FBXL17: variants seen among roughly 807,000 people sequenced by gnomAD.
The protein encoded by FBXL17 is F-box/LRR-repeat protein 17.
Under a neutral mutation model 66.2 loss-of-function variants are expected in FBXL17, and 22 were observed. The observed-to-expected ratio is 0.33, with a 90% CI of 0.24 to 0.47. The LOEUF (loss-of-function observed/expected upper bound fraction) is 0.47, where lower values mean the gene tolerates loss of function less well. Among genes scored for constraint, FBXL17 ranks in the 20% least tolerant of loss-of-function variants. The pLI, the probability that FBXL17 is intolerant of heterozygous loss-of-function variation, is 1.00. For synonymous variants in FBXL17, 474 were observed against 400.5 expected (o/e 1.18, Z -2.19); for missense variants, 878 against 948.2 (o/e 0.93, Z 0.97).
Position 107,873,704 on chromosome 5 carries a change from C to T in FBXL17, c.1965+7333G>A, listed in dbSNP as rs144843996. Among the ~76,000 whole-genome samples, 795 of 152,268 alleles carry T rather than the reference C, an allele frequency of 5.2e-3. 3 individuals are homozygous for T. Among genetic ancestry groups the T allele is most frequent in the Middle Eastern group, 0.014 (4 of 294 alleles). On this transcript the variant is annotated intron_variant, in intron 8 of 8. Transcript: ENST00000542267. The stretch of plus-strand genomic sequence containing the variant: ...TCTGAGCTCTGTTGAGGAATTGCTG[C>T]TACCTATTCTATTTTTAAATTCAAA...
intron 5 of FBXL17, among the ~76,000 whole-genome samples, chr5:108,216,383 C>T (rs1754600229): frequency 6.6e-6 from 1 of 151,954 alleles, no homozygotes; most frequent in Non-Finnish European, 1.5e-5. Context: ...TTGTGGGTTT[C>T]AGTGATCCTT....
intron 7 of FBXL17, among the ~76,000 whole-genome samples, chr5:107,934,977 AGGT>A (rs1296826987): frequency 2.6e-5 from 4 of 152,290 alleles, no homozygotes; most frequent in Non-Finnish European, 5.9e-5. Flanking sequence ...ACCTCAAGTC[AGGT>A]GGTCTGTGAA....
At chr5:108,052,283 T>C (rs1747516237) in intron 6 of FBXL17, among the ~76,000 whole-genome samples, 1 of 152,136 alleles carries the variant, frequency 6.6e-6, no homozygotes, top group Admixed American at 6.5e-5. Flanking sequence ...GTCTGCAGAT[T>C]ACATGACTCT....
intron 3 of FBXL17, 40 bp from the exon 4 acceptor site, chr5:108,348,570 C>A: frequency 5.7e-6 from 9 of 1,579,440 alleles, no homozygotes; most frequent in Non-Finnish European, 7.8e-6. Context: ...CAAAAAATAA[C>A]AAAGGCAACA....
At chr5:108,176,395 G>T (rs1228721949) in intron 6 of FBXL17, among the ~76,000 whole-genome samples, 1 of 152,124 alleles carries the variant, frequency 6.6e-6, no homozygotes, top group Non-Finnish European at 1.5e-5. Flanking sequence ...TCCGTAATAT[G>T]ATTCTATGGG....
intron 7 of FBXL17, among the ~76,000 whole-genome samples, chr5:108,019,457 A>G (rs1279431016): frequency 2.0e-5 from 3 of 152,078 alleles, no homozygotes; most frequent in Admixed American, 2.0e-4. Flanking sequence ...GAATCTCAGA[A>G]GAGTTCATTA....
At chr5:107,956,589 T>C (rs531791497) in intron 7 of FBXL17, among the ~76,000 whole-genome samples, 141 of 152,292 alleles carry the variant, frequency 9.3e-4, no homozygotes, top group African/African-American at 3.3e-3. Flanking sequence ...AGAGATGTTT[T>C]AGGGATTAAA....
At chr5:108,212,070 A>C (rs892163847) in intron 5 of FBXL17, among the ~76,000 whole-genome samples, 2 of 152,024 alleles carry the variant, frequency 1.3e-5, no homozygotes, top group African/African-American at 2.4e-5. Flanking sequence ...TTCTTTCATT[A>C]AGTTGATCTT....
Position 108,268,156 on chromosome 5 carries a change from G to A in FBXL17, c.1507-43928C>T, listed in dbSNP as rs935872917. 2.0e-5 allele frequency among the ~76,000 whole-genome samples: 3 copies of A among 151,834 alleles called. No individual in the cohort carries two copies. The South Asian group carries it at 6.2e-4, about 32-fold the overall frequency. On this transcript the variant is annotated intron_variant, in intron 4 of 8. Coordinates refer to ENST00000542267, the MANE Select transcript of FBXL17 (RefSeq NM_001163315.3). The stretch of plus-strand genomic sequence containing the variant: ...AAACTGGGGAGAGGGGAAGAATAAA[G>A]GGAAATTAAAGAGCTACATGATCCA...
chr5:107,893,692 A>T (rs1749278585), intron 7 of FBXL17, among the ~76,000 whole-genome samples: 2 of 152,158 alleles, frequency 1.3e-5, no homozygotes, highest in South Asian at 4.1e-4. Context: ...TTTGATACAT[A>T]GCTAGGTTTG....
At chr5:107,950,845 T>C (rs1203914158) in intron 7 of FBXL17, among the ~76,000 whole-genome samples, 1 of 152,202 alleles carries the variant, frequency 6.6e-6, no homozygotes, top group Admixed American at 6.5e-5. Context: ...TGTGTGACAG[T>C]TATCATGAAC....
At chr5:108,269,876 C>T (rs1270728488) in intron 4 of FBXL17, among the ~76,000 whole-genome samples, 3 of 152,024 alleles carry the variant, frequency 2.0e-5, no homozygotes, top group Admixed American at 1.3e-4. Context: ...ACTTGAAACA[C>T]TGAATAAAAC....
intron 6 of FBXL17, among the ~76,000 whole-genome samples, chr5:108,046,412 A>C (rs1463086782): frequency 6.6e-6 from 1 of 152,184 alleles, no homozygotes; most frequent in Non-Finnish European, 1.5e-5. Context: ...TGTATCTTTT[A>C]ATTGGAATAG....
chr5:108,027,368 A>T (rs1352378214), intron 6 of FBXL17, among the ~76,000 whole-genome samples: 2 of 152,142 alleles, frequency 1.3e-5, no homozygotes, highest in African/African-American at 4.8e-5. Context: ...AGATCTACTT[A>T]ACCAAAAGTC....
chr5:107,937,014 T>G (rs12657654), intron 7 of FBXL17, among the ~76,000 whole-genome samples: 62,873 of 151,422 alleles, frequency 0.42, 13,901 homozygotes, highest in East Asian at 0.62. Context: ...AAAGTAACCA[T>G]GGATTAAAAA....
intron 4 of FBXL17, among the ~76,000 whole-genome samples, chr5:108,339,660 T>A (rs563308354): frequency 6.6e-6 from 1 of 151,460 alleles, no homozygotes; most frequent in African/African-American, 2.4e-5. Flanking sequence ...AAAAATAATC[T>A]ACTAACCATA....
At chr5:108,089,206 T>C (rs1251259445) in intron 6 of FBXL17, among the ~76,000 whole-genome samples, 1 of 152,236 alleles carries the variant, frequency 6.6e-6, no homozygotes, top group Non-Finnish European at 1.5e-5. Context: ...AATGGCCTTC[T>C]AACTGGTCTT....
rs1183207800 is a variant in FBXL17 at position 108,088,498 on chromosome 5, G to A, written c.1746-67497C>T. On this transcript the variant is annotated intron_variant, in intron 6 of 8. Coordinates refer to ENST00000542267, the MANE Select transcript of FBXL17 (RefSeq NM_001163315.3). The stretch of plus-strand genomic sequence containing the variant: ...GGGGGGAACATGAGGTCAGGAGATC[G>A]AGACCATCCTGGCTAACACAGTAAA... 4.6e-5 allele frequency among the ~76,000 whole-genome samples: 7 copies of A among 151,664 alleles called. No homozygotes were observed. The East Asian group carries it at 9.7e-4, about 21-fold the overall frequency.
intron 7 of FBXL17, among the ~76,000 whole-genome samples, chr5:107,929,415 C>G (rs1024164759): frequency 1.3e-5 from 2 of 152,090 alleles, no homozygotes; most frequent in Non-Finnish European, 2.9e-5. Context: ...TTTACTACTA[C>G]TTAGTGGGAA....
Sources: gnomAD v4.1 joint callset for allele counts (sites outside exome capture counted in the v4.1 genomes callset) on GRCh38, gnomAD v4.1.1 for gene constraint, MANE v1.5 for transcripts, NCBI Gene and HGNC (gene_info 2026-07-23, HGNC 2026-07-21) for gene names.